GSE1: variants seen among roughly 807,000 people sequenced by gnomAD.
The protein encoded by GSE1 is genetic suppressor element 1.
Under a neutral mutation model 112.6 loss-of-function variants are expected in GSE1, and 32 were observed. That is an observed-to-expected ratio of 0.28 (90% CI 0.21 to 0.38). GSE1 has a LOEUF of 0.38. Among genes scored for constraint, GSE1 ranks in the 10% least tolerant of loss-of-function variants. The pLI is 1.00. For missense variants in GSE1, 2,348 were observed against 1,699.2 expected (o/e 1.38, Z -6.71); for synonymous variants, 1,115 against 735.6 (o/e 1.52, Z -8.35).
intron 2 of GSE1, among the ~76,000 whole-genome samples, chr16:85,421,071 G>A (rs2048832532): frequency 6.6e-6 from 1 of 152,246 alleles, no homozygotes; most frequent in African/African-American, 2.4e-5. Context: ...GGGGCGTTGG[G>A]AGGATTAAAT....
chr16:85,237,933 C>T (rs1904834213), intron 1 of GSE1, among the ~76,000 whole-genome samples: 1 of 152,060 alleles, frequency 6.6e-6, no homozygotes, highest in Non-Finnish European at 1.5e-5. Flanking sequence ...GCGTCATGAA[C>T]AGGGCCTGGG....
At chr16:85,197,213 C>T (rs1339473691) in intron 1 of GSE1, among the ~76,000 whole-genome samples, 1 of 152,138 alleles carries the variant, frequency 6.6e-6, no homozygotes, top group Non-Finnish European at 1.5e-5. Context: ...GACCCAGAGC[C>T]ACTTGGGGAT....
rs1312341072 is a variant in GSE1 at position 85,662,965 on chromosome 16, A to G, written c.2261-16A>G. 9.2e-6 allele frequency: 14 copies of G among 1,525,176 alleles called. No homozygotes were observed. Among genetic ancestry groups the G allele is most frequent in the Non-Finnish European group, 1.2e-5 (13 of 1,100,956 alleles). The allele number at this position is 1,525,176 out of a possible 1,614,324, so 94.5% of individuals were successfully genotyped here. A position where few individuals can be genotyped will look rare whatever the true frequency, so the allele number is the denominator to read the frequency against. On this transcript the variant is annotated splice_polypyrimidine_tract_variant and intron_variant, in intron 9 of 15. Transcript: ENST00000253458. ...AAGGCTCTTTGTCTGGCTGAATACAACCATTTCTCCATCAGGGTACTACTA... is the reference window on the plus strand; with the variant it reads ...AAGGCTCTTTGTCTGGCTGAATACAGCCATTTCTCCATCAGGGTACTACTA...
At chr16:85,266,257 CCTCT>C (rs1251147703) in intron 1 of GSE1, among the ~76,000 whole-genome samples, 1 of 152,138 alleles carries the variant, frequency 6.6e-6, no homozygotes, top group Non-Finnish European at 1.5e-5. Context: ...GGGCATGCGT[CCTCT>C]CTCTCTAGGA....
chr16:85,591,858 G>A (rs1213674292), intron 1 of GSE1, among the ~76,000 whole-genome samples: 1 of 152,234 alleles, frequency 6.6e-6, no homozygotes, highest in Admixed American at 6.5e-5. Context: ...CCGGAGCAGC[G>A]CTGTCTGCTG....
Position 85,670,936 on chromosome 16 carries a change from A to G in GSE1, c.3416-59A>G. Reference sequence around the variant, plus strand: ...GGGCAGGGTGTGAAGAGGAGAGCACAAAGCGGGCCTTCGGGCTCCTGCATA... The same window carrying G: ...GGGCAGGGTGTGAAGAGGAGAGCACGAAGCGGGCCTTCGGGCTCCTGCATA... On this transcript the variant is annotated intron_variant, in intron 14 of 15. Transcript: ENST00000253458. The G allele has an allele frequency of 3.8e-6, 4 of 1,060,400 alleles. No homozygotes were observed. In the Middle Eastern group the frequency reaches 7.1e-4, roughly 188 times the overall value. The allele number at this position is 1,060,400 out of a possible 1,614,324, so 65.7% of individuals were successfully genotyped here. A position where few individuals can be genotyped will look rare whatever the true frequency, so the allele number is the denominator to read the frequency against.
chr16:85,537,005 A>C (rs1006491335), intron 2 of GSE1, among the ~76,000 whole-genome samples: 9 of 151,986 alleles, frequency 5.9e-5, no homozygotes, highest in Non-Finnish European at 1.2e-4. Flanking sequence ...AGCAGGCCCC[A>C]CCCCGACGAG....
intron 2 of GSE1, among the ~76,000 whole-genome samples, chr16:85,499,761 C>A (rs984292021): frequency 6.6e-6 from 1 of 152,218 alleles, no homozygotes; most frequent in South Asian, 2.1e-4. Flanking sequence ...TTCAACCCAC[C>A]CTCCAGTACC....
chr16:85,387,988 GTGGGTGGATGGATGGA>G (rs1214806320), intron 2 of GSE1, among the ~76,000 whole-genome samples: 2 of 105,914 alleles, frequency 1.9e-5, no homozygotes, highest in African/African-American at 7.9e-5. Context: ...GAGTGGATGG[GTGGGTGGATGGATGGA>G]TGGATGGATG....
chr16:85,613,498 G>T, intron 1 of GSE1, 100 bp downstream of exon 1: 1 of 1,112,984 alleles, frequency 9.0e-7, no homozygotes, highest in South Asian at 1.6e-5. Context: ...GGCCGCCAAC[G>T]GCTCCCGGGC....
chr16:85,635,188 G>A (rs923310878), intron 2 of GSE1, among the ~76,000 whole-genome samples: 3 of 152,202 alleles, frequency 2.0e-5, no homozygotes, highest in East Asian at 3.8e-4. Flanking sequence ...CCTTTCTGCT[G>A]CTGCTCGTTG....
At chr16:85,643,479 C>G (rs1311050624) in intron 2 of GSE1, among the ~76,000 whole-genome samples, 1 of 152,218 alleles carries the variant, frequency 6.6e-6, no homozygotes, top group Non-Finnish European at 1.5e-5. Flanking sequence ...TCACCCACCC[C>G]TCTTACTTCC....
In GSE1 at chr16:85,654,778, C is replaced by A. The variant is rs755100291; in HGVS notation, c.600-16C>A. ...CACTCACCTGTCCCCACCTTGCCCA[C>A]TATCCCCGCCTGCAGCCTCCAGCGG... On this transcript the variant is annotated splice_polypyrimidine_tract_variant and intron_variant, in intron 4 of 15. Coordinates refer to ENST00000253458, the MANE Select transcript of GSE1 (RefSeq NM_014615.5). The A allele has an allele frequency of 6.3e-7, 1 of 1,588,942 alleles. No homozygotes were observed. The highest frequency in any genetic ancestry group is 8.6e-7 in the Non-Finnish European group (1 of 1,161,638).
In GSE1 at chr16:85,288,630, C is replaced by T. The variant is rs2045113286; in HGVS notation, c.2284-68833C>T. Among the ~76,000 whole-genome samples, 4 of 152,300 alleles carry T rather than the reference C, an allele frequency of 2.6e-5. No homozygotes were observed. The South Asian group carries it at 8.3e-4, about 32-fold the overall frequency. On this transcript the variant is annotated intron_variant, in intron 1 of 2. Coordinates refer to the GSE1 transcript ENST00000637419. ...GGGGAGACACCCCTGCCACTGAGGA[C>T]AGCAGAGGTCAGGATGCAGTCTATT...
At chr16:85,246,449 A>ACACGCTG (rs1255739946) in intron 1 of GSE1, among the ~76,000 whole-genome samples, 3 of 78,712 alleles carry the variant, frequency 3.8e-5, no homozygotes, top group Non-Finnish European at 7.8e-5. Flanking sequence ...ACACACACAC[A>ACACGCTG]CACACACACA....
chr16:85,666,395 T>C lies in GSE1; in HGVS notation c.3130+48T>C, dbSNP rs761574637. Reference sequence around the variant, plus strand: ...CTCAGCTCTCGGCTGTGGTTGAGGCTGACCAAAGTTGCTGAGCGCCACAGC... The same window carrying C: ...CTCAGCTCTCGGCTGTGGTTGAGGCCGACCAAAGTTGCTGAGCGCCACAGC... On this transcript the variant is annotated intron_variant, in intron 13 of 15. Transcript: ENST00000253458. The C allele has an allele frequency of 8.1e-6, 13 of 1,604,258 alleles. No homozygotes were observed. The South Asian group carries it at 1.2e-4, about 15-fold the overall frequency.
intron 1 of GSE1, among the ~76,000 whole-genome samples, chr16:85,202,566 C>T (rs1247008320): frequency 6.6e-6 from 1 of 152,210 alleles, no homozygotes; most frequent in Non-Finnish European, 1.5e-5. Flanking sequence ...TGTGGGCTCA[C>T]CCGAGGCAGA....
In GSE1 at chr16:85,444,936, C is replaced by A. The variant is rs368847245; in HGVS notation, c.2464+87293C>A. Among the ~76,000 whole-genome samples, 1,378 of 152,334 alleles carry A rather than the reference C, an allele frequency of 9.0e-3. 9 individuals carry two copies. Among genetic ancestry groups the A allele is most frequent in the Middle Eastern group, 0.02 (6 of 294 alleles). ...GCTGGCTGTGCCTCCCCCGCCTCCC[C>A]ACTGCCCACGTTGTCACAGGAGGCC... On this transcript the variant is annotated intron_variant, in intron 2 of 2. Transcript: ENST00000637419.
At chr16:85,185,857 G>T (rs1360855984) in intron 1 of GSE1, among the ~76,000 whole-genome samples, 1 of 152,238 alleles carries the variant, frequency 6.6e-6, no homozygotes, top group Non-Finnish European at 1.5e-5. Flanking sequence ...GGAGGGCCCT[G>T]CGGGGGCTGG....
Sources: allele counts gnomAD v4.1 joint callset (sites outside exome capture counted in the v4.1 genomes callset), GRCh38; gene constraint gnomAD v4.1.1; transcripts MANE v1.5; gene names NCBI Gene and HGNC (gene_info 2026-07-23, HGNC 2026-07-21).